The following VPS13B variants were observed in gnomAD, a reference collection of about 807,000 sequenced individuals.
VPS13B encodes intermembrane lipid transfer protein VPS13B.
VPS13B carries 285 observed loss-of-function variants against 426.4 expected under a neutral mutation model. The observed-to-expected ratio is 0.67, with a 90% confidence interval of 0.61 to 0.74. The LOEUF (loss-of-function observed/expected upper bound fraction) is 0.74. VPS13B is among the 30% of genes least tolerant of loss of function. The pLI, the probability that VPS13B is intolerant of heterozygous loss-of-function variation, is 0.00. For synonymous variants in VPS13B, 1,676 were observed against 1,676.4 expected (o/e 1.00, Z 0.01); for missense variants, 4,537 against 4,782.6 (o/e 0.95, Z 1.51).
At chr8:99,825,960 T>A (rs185934546) in intron 51 of VPS13B, among the ~76,000 whole-genome samples, 6 of 152,304 alleles carry the variant, frequency 3.9e-5, no homozygotes, top group Admixed American at 3.3e-4. Context: ...TCATGCTGTT[T>A]TGGTTACTGT....
At chr8:99,017,286 G>T (rs1461799692) in intron 2 of VPS13B, among the ~76,000 whole-genome samples, 1 of 152,024 alleles carries the variant, frequency 6.6e-6, no homozygotes, top group Non-Finnish European at 1.5e-5. Context: ...CTGTAAATCA[G>T]GTTGCCATAT....
Position 99,818,743 on chromosome 8 carries a change from A to C in VPS13B, c.8476A>C (p.Ser2826Arg). ...GTTCAGCCCTCTTTTTATCATGAGG[A>C]GTCATCTTCCAGACCCCATTATCAT... ...IVFSPLFIMR[S>R]HLPDPIIIHL... Residue 2826 changes from serine (S) to arginine (R), a missense_variant, in exon 47 of 62, where the codon AGT becomes CGT. Coordinates refer to ENST00000357162, the MANE Select transcript of VPS13B (RefSeq NM_152564.5). 1 of 1,613,978 alleles carries C rather than the reference A, an allele frequency of 6.2e-7. No homozygotes were observed. Among genetic ancestry groups the C allele is most frequent in the East Asian group, 2.2e-5 (1 of 44,860 alleles).
chr8:99,749,888 C>T (rs1810306791), intron 39 of VPS13B, among the ~76,000 whole-genome samples: 1 of 152,010 alleles, frequency 6.6e-6, no homozygotes, highest in African/African-American at 2.4e-5. Context: ...TTTCCCCACA[C>T]CCTCACCAGC....
intron 21 of VPS13B, among the ~76,000 whole-genome samples, chr8:99,427,366 C>G (rs1383617124): frequency 1.4e-5 from 2 of 138,466 alleles, no homozygotes; most frequent in Admixed American, 7.4e-5. Flanking sequence ...CAGCTTTGTT[C>G]TTTTGGCTTA....
rs1295201527 is a variant in VPS13B at position 99,861,803 on chromosome 8, C to A, written c.11072C>A (p.Ala3691Asp). The change falls in exon 58 of 62, where the codon GCC (alanine) becomes GAC (aspartate). Residue 3691 changes from alanine (A) to aspartate (D), a missense_variant. Physicochemically the swap from Ala to Asp is moderately radical, Grantham distance 126. Around this residue, in one of 2 missense-constraint regions of VPS13B, gnomAD observed 4,311 missense variants for 4,474.3 expected, o/e 0.96. Coordinates refer to ENST00000357162, the MANE Select transcript of VPS13B (RefSeq NM_152564.5). ...ACCCTCACATCCATCACCAACCTCG[C>A]CACAAGCCTGGCCCGGAACATGGAC... ...KGTLTSITNL[A>D]TSLARNMDRL... is the part of the protein sequence containing the mutation. 1 of 1,598,434 alleles carries A rather than the reference C, an allele frequency of 6.3e-7. No individual in the cohort carries two copies. Among genetic ancestry groups the A allele is most frequent in the South Asian group, 1.1e-5 (1 of 88,080 alleles).
intron 60 of VPS13B, 78 bp downstream of exon 60, chr8:99,870,965 G>A (rs1397881522): frequency 1.4e-6 from 2 of 1,439,254 alleles, no homozygotes; most frequent in East Asian, 4.7e-5. Context: ...TCAAGCTAAT[G>A]GGCCATGCTT....
At chr8:99,206,209 A>G (rs1002543228) in intron 17 of VPS13B, among the ~76,000 whole-genome samples, 1 of 152,136 alleles carries the variant, frequency 6.6e-6, no homozygotes, top group African/African-American at 2.4e-5. Context: ...TTGACAGTGT[A>G]GTTTCATTAA....
At position 99,326,709 on chromosome 8, in the gene VPS13B, A is replaced by G. The variant is rs576461513; in HGVS notation, c.2824+51455A>G. Among the ~76,000 whole-genome samples the G allele has an allele frequency of 7.9e-5, 12 of 152,044 alleles. No homozygotes were observed. In the East Asian group the frequency reaches 2.3e-3, roughly 29 times the overall value. On this transcript the variant is annotated intron_variant, in intron 19 of 61. Transcript: ENST00000357162. Reference sequence around the variant, plus strand: ...CCACCATGCCCAGCCATCCCTGCATATTAATAAATTTCATGTATTTGTTAG... The same window carrying G: ...CCACCATGCCCAGCCATCCCTGCATGTTAATAAATTTCATGTATTTGTTAG...
intron 17 of VPS13B, among the ~76,000 whole-genome samples, chr8:99,228,546 C>A (rs191690124): frequency 6.6e-6 from 1 of 151,962 alleles, no homozygotes; most frequent in East Asian, 1.9e-4. Flanking sequence ...ATTTTTAGAA[C>A]GTGAATGTTT....
intron 35 of VPS13B, among the ~76,000 whole-genome samples, chr8:99,669,130 T>A (rs1011953080): frequency 5.3e-5 from 8 of 152,258 alleles, no homozygotes; most frequent in Non-Finnish European, 8.8e-5. Context: ...TATTGAAAAA[T>A]CAATCATACT....
chr8:99,159,593 C>T (rs1273670407), intron 15 of VPS13B, among the ~76,000 whole-genome samples: 1 of 152,172 alleles, frequency 6.6e-6, no homozygotes, highest in East Asian at 1.9e-4. Context: ...GAGCCATGAA[C>T]ATCAAGGCAA....
intron 58 of VPS13B, 36 bp from the exon 59 acceptor site, chr8:99,868,253 A>C (rs776119691): frequency 6.2e-7 from 1 of 1,613,582 alleles, no homozygotes; most frequent in Admixed American, 1.7e-5. Context: ...GAGGATTTTA[A>C]GCCTCTGTCC....
At position 99,055,900 on chromosome 8, in the gene VPS13B, ATT is replaced by A. The variant is rs71273158; in HGVS notation, c.291+17356_291+17357del. On this transcript the variant is annotated intron_variant, in intron 3 of 61. Coordinates refer to ENST00000357162, the MANE Select transcript of VPS13B (RefSeq NM_152564.5). ...ACATGCCACAGTGCCTGGCTAATTAATTTTTTTTTTTTTTTTTTTTTTTAGAG... is the reference window on the plus strand; with the variant it reads ...ACATGCCACAGTGCCTGGCTAATTAATTTTTTTTTTTTTTTTTTTTTAGAG... 8.3e-3 allele frequency among the ~76,000 whole-genome samples: 899 copies of A among 107,834 alleles called. 8 individuals are homozygous for A. The highest frequency in any genetic ancestry group is 0.017 in the Middle Eastern group (4 of 232). 70.7% of individuals were successfully genotyped at this position (107,834 alleles called of 152,430 possible). A position where few individuals can be genotyped will look rare whatever the true frequency, so the allele number is the denominator to read the frequency against.
chr8:99,069,554 A>G (rs1348152190), intron 3 of VPS13B, among the ~76,000 whole-genome samples: 1 of 152,250 alleles, frequency 6.6e-6, no homozygotes, highest in Non-Finnish European at 1.5e-5. Flanking sequence ...ATGTGCACAT[A>G]CATTTTCTAA....
intron 60 of VPS13B, chr8:99,871,195 G>T: frequency 1.6e-6 from 1 of 618,808 alleles, no homozygotes; most frequent in Middle Eastern, 4.4e-4. Context: ...CTAATTAGAG[G>T]TGCTATTTCT....
At chr8:99,525,031 G>C (rs1822572529) in intron 30 of VPS13B, among the ~76,000 whole-genome samples, 1 of 151,622 alleles carries the variant, frequency 6.6e-6, no homozygotes, top group South Asian at 2.1e-4. Context: ...TACAAGAAAT[G>C]CTAAAGGTAG....
chr8:99,727,742 C>T (rs1833408753), intron 39 of VPS13B, among the ~76,000 whole-genome samples: 1 of 152,120 alleles, frequency 6.6e-6, no homozygotes, highest in Non-Finnish European at 1.5e-5. Flanking sequence ...GGACACAGAG[C>T]CAAACAGTAT....
At chr8:99,403,041 A>AGTT (rs1310239283) in intron 21 of VPS13B, among the ~76,000 whole-genome samples, 2 of 152,258 alleles carry the variant, frequency 1.3e-5, no homozygotes, top group African/African-American at 4.8e-5. Context: ...TTTGAAAACC[A>AGTT]GTTGTGGCAG....
At chr8:99,811,126 A>T (rs1289339274) in intron 44 of VPS13B, among the ~76,000 whole-genome samples, 2 of 152,192 alleles carry the variant, frequency 1.3e-5, no homozygotes, top group African/African-American at 4.8e-5. Flanking sequence ...GTCTGAGAAA[A>T]GGTCATCCAG....
Sources: gnomAD v4.1 joint callset for allele counts (sites outside exome capture counted in the v4.1 genomes callset) on GRCh38, gnomAD v4.1.1 for gene constraint, gnomAD v4.1.1 regional missense constraint, MANE v1.5 for transcripts, NCBI Gene and HGNC (gene_info 2026-07-23, HGNC 2026-07-21) for gene names.